The following ABL2 variants were observed in gnomAD, a reference collection of about 807,000 sequenced individuals.
ABL2 encodes tyrosine-protein kinase ABL2.
A neutral mutation model predicts 107.7 loss-of-function variants in ABL2; 49 were observed. The ratio of observed to expected loss-of-function variants is 0.45; its 90% CI spans 0.36 to 0.58. The LOEUF is 0.58. Among genes scored for constraint, ABL2 ranks in the 20% least tolerant of loss-of-function variants. The pLI, the probability that ABL2 is intolerant of heterozygous loss-of-function variation, is 0.00. For missense variants in ABL2, 1,245 were observed against 1,457.0 expected, an observed-to-expected ratio of 0.85 and a Z score of 2.37; for synonymous variants, 549 against 548.6, an observed-to-expected ratio of 1.00 and a Z score of -0.01.
intron 1 of ABL2, chr1:179,142,831 G>C: frequency 7.3e-7 from 1 of 1,370,276 alleles, no homozygotes; most frequent in Non-Finnish European, 9.9e-7. Flanking sequence ...CAAGAATGAA[G>C]ACAAAAACAG....
chr1:179,173,542 G>A (rs1199071913), intron 1 of ABL2, among the ~76,000 whole-genome samples: 2 of 148,546 alleles, frequency 1.3e-5, no homozygotes, highest in African/African-American at 5.0e-5. Flanking sequence ...GGTAGAGAGG[G>A]GGTTTCACCA....
intron 1 of ABL2, among the ~76,000 whole-genome samples, chr1:179,165,153 G>A (rs536264661): frequency 5.7e-4 from 87 of 152,246 alleles, no homozygotes; most frequent in South Asian, 3.3e-3. Context: ...GACACAGCAT[G>A]TAAAAGTTAT....
chr1:179,213,900 C>T (rs1662420817), intron 1 of ABL2, among the ~76,000 whole-genome samples: 1 of 152,104 alleles, frequency 6.6e-6, no homozygotes, highest in Non-Finnish European at 1.5e-5. Context: ...GATCATGCTA[C>T]TACTGCACTC....
chr1:179,229,170 G>GGCCCCCCCCCCCCCC, intron 1 of ABL2, 71 bp downstream of exon 1: 6 of 266,254 alleles, frequency 2.3e-5, no homozygotes, highest in Admixed American at 6.9e-5. Context: ...CAGCCCGTCC[G>GGCCCCCCCCCCCCCC]CCACCCACCC....
At chr1:179,184,483 T>C (rs1248015778) in intron 1 of ABL2, 3 of 842,318 alleles carry the variant, frequency 3.6e-6, no homozygotes, top group Admixed American at 2.1e-5. Flanking sequence ...GCTCATATGT[T>C]AGGAAAGTTC....
intron 11 of ABL2, 79 bp downstream of exon 11, chr1:179,110,203 G>A: frequency 3.3e-6 from 5 of 1,514,820 alleles, no homozygotes; most frequent in Non-Finnish European, 4.6e-6. Context: ...GCATGAAAGT[G>A]GACATAAAAG....
intron 1 of ABL2, among the ~76,000 whole-genome samples, chr1:179,160,787 T>G (rs543597820): frequency 2.6e-5 from 4 of 152,318 alleles, no homozygotes; most frequent in African/African-American, 9.6e-5. Context: ...TGGAGCCAAA[T>G]AATTCTGTGT....
rs1017979064 is a variant in ABL2 at position 179,104,442 on chromosome 1, T to C, written c.*3276A>G. 16 of 215,896 alleles carry C rather than the reference T, an allele frequency of 7.4e-5. No individual in the cohort carries two copies. The highest frequency in any genetic ancestry group is 3.6e-4 in the African/African-American group (16 of 44,490). 13.4% of individuals were successfully genotyped at this position (215,896 alleles called of 1,614,324 possible). ...CATATTTTACTAGCCAATTTTCAGT[T>C]GAATCCTAAGAAACTTTCTATCTAA... is the stretch of plus-strand genomic sequence containing the variant. On this transcript the variant is annotated 3_prime_UTR_variant, in exon 12 of 12. Coordinates refer to ENST00000502732, the MANE Select transcript of ABL2 (RefSeq NM_007314.4).
intron 1 of ABL2, among the ~76,000 whole-genome samples, chr1:179,228,308 T>C (rs1250741847): frequency 1.3e-5 from 2 of 151,666 alleles, no homozygotes. Flanking sequence ...CATCCCGCCA[T>C]TGCACTCCAT....
At position 179,108,633 on chromosome 1, in the gene ABL2, C is replaced by A. The variant is rs1323913088; in HGVS notation, c.2634G>T (p.Gly878=). The change falls in exon 12 of 12, where the codon GGG becomes GGT. Residue 878 remains glycine, a synonymous_variant. Coordinates refer to ENST00000502732, the MANE Select transcript of ABL2 (RefSeq NM_007314.4). ...CAGCTGCCACTCCAGCCACTCCCAC[C>A]CCTGGAGGGTCCTTCTCTGTAATGG... The part of the protein sequence containing the change: ...DLAITEKDPP[G]VGVAGVAAAP... 1 of 1,614,070 alleles carries A rather than the reference C, an allele frequency of 6.2e-7. No individual in the cohort carries two copies. Among genetic ancestry groups the A allele is most frequent in the African/African-American group, 1.3e-5 (1 of 74,932 alleles).
At chr1:179,143,167 G>T in intron 1 of ABL2, 1 of 1,288,008 alleles carries the variant, frequency 7.8e-7, no homozygotes, top group Non-Finnish European at 1.0e-6. Context: ...TGGCCAGAGG[G>T]AACCAATAAA....
intron 9 of ABL2, among the ~76,000 whole-genome samples, chr1:179,114,308 T>C (rs1654402092): frequency 6.6e-6 from 1 of 151,538 alleles, no homozygotes; most frequent in Non-Finnish European, 1.5e-5. Flanking sequence ...ACTGAGGGGC[T>C]GAGGCATGAG....
chr1:179,113,199 C>T (rs755100630), intron 9 of ABL2, among the ~76,000 whole-genome samples: 55 of 152,152 alleles, frequency 3.6e-4, no homozygotes, highest in Non-Finnish European at 1.5e-5. Flanking sequence ...CAGGTGTGAG[C>T]CACTGCACCT....
chr1:179,223,372 C>G (rs1422948893), intron 1 of ABL2, among the ~76,000 whole-genome samples: 1 of 148,538 alleles, frequency 6.7e-6, no homozygotes, highest in Non-Finnish European at 1.5e-5. Context: ...ATCATCATGC[C>G]ACAGCACTCC....
intron 1 of ABL2, among the ~76,000 whole-genome samples, chr1:179,136,848 G>A (rs978690450): frequency 6.6e-6 from 1 of 150,882 alleles, no homozygotes; most frequent in African/African-American, 2.4e-5. Flanking sequence ...TCTGGGAGGT[G>A]GAGGTTGCAG....
At chr1:179,224,971 A>G (rs1281520108) in intron 1 of ABL2, among the ~76,000 whole-genome samples, 1 of 152,148 alleles carries the variant, frequency 6.6e-6, no homozygotes, top group Admixed American at 6.5e-5. Flanking sequence ...GGCTGCAGCG[A>G]TCTACGATCG....
At chr1:179,110,126 T>C (rs377743677) in intron 11 of ABL2, among the ~76,000 whole-genome samples, 156 bp downstream of exon 11, 144 of 152,260 alleles carry the variant, frequency 9.5e-4, no homozygotes, top group African/African-American at 3.1e-3. Context: ...GAGTTGTATG[T>C]TGGATGGATA....
intron 1 of ABL2, among the ~76,000 whole-genome samples, chr1:179,176,218 G>A (rs1660038386): frequency 6.6e-6 from 1 of 151,780 alleles, no homozygotes; most frequent in Non-Finnish European, 1.5e-5. Flanking sequence ...CGGTGGGAGG[G>A]TGGGGATGGT....
At chr1:179,136,554 C>G (rs942304056) in intron 1 of ABL2, among the ~76,000 whole-genome samples, 4 of 147,754 alleles carry the variant, frequency 2.7e-5, no homozygotes, top group African/African-American at 9.8e-5. Flanking sequence ...TCTCAAGTAC[C>G]CAGGGACACA....
Sources: allele counts gnomAD v4.1 joint callset (sites outside exome capture counted in the v4.1 genomes callset), GRCh38; gene constraint gnomAD v4.1.1; transcripts MANE v1.5; gene names NCBI Gene and HGNC (gene_info 2026-07-23, HGNC 2026-07-21).